USP54: variants seen among roughly 807,000 people sequenced by gnomAD.
USP54 encodes the protein ubiquitin specific peptidase 54, also known as ubiquitin carboxyl-terminal hydrolase 54.
Under a neutral mutation model 170.5 loss-of-function variants are expected in USP54, and 87 were observed. That is an observed-to-expected ratio of 0.51 (90% CI 0.43 to 0.61). USP54 has a LOEUF of 0.61. Ranked by LOEUF, USP54 falls within the 20% of genes least tolerant of loss-of-function variation. USP54 has a pLI of 0.00. For missense variants in USP54, 1,786 were observed against 2,047.8 expected (o/e 0.87, Z 2.47); for synonymous variants, 655 against 742.8 (o/e 0.88, Z 1.92).
chr10:73,615,146 C>T (rs1366454711), intron 1 of USP54: 1 of 150,154 alleles, frequency 6.7e-6, no homozygotes, highest in Admixed American at 6.6e-5. Flanking sequence ...GAGGCCAGGA[C>T]TTTAAAACTA....
At chr10:73,527,989 G>A (rs2063254246) in intron 15 of USP54, among the ~76,000 whole-genome samples, 1 of 152,130 alleles carries the variant, frequency 6.6e-6, no homozygotes, top group African/African-American at 2.4e-5. Context: ...AGGCTGGAGT[G>A]CAGTGACGTG....
chr10:73,562,897 A>C, intron 4 of USP54, among the ~76,000 whole-genome samples: 1 of 152,174 alleles, frequency 6.6e-6, no homozygotes, highest in East Asian at 1.9e-4. Flanking sequence ...ATATCAATTT[A>C]TATTCTAGCT....
At chr10:73,551,574 C>T (rs1351160311) in intron 4 of USP54, among the ~76,000 whole-genome samples, 1 of 152,142 alleles carries the variant, frequency 6.6e-6, no homozygotes, top group Non-Finnish European at 1.5e-5. Context: ...GCAGTGACTG[C>T]TTTTACAAAT....
chr10:73,557,385 A>G (rs1383430233), intron 4 of USP54, among the ~76,000 whole-genome samples: 1 of 151,598 alleles, frequency 6.6e-6, no homozygotes, highest in East Asian at 1.9e-4. Context: ...GCAGTGGCGC[A>G]ATCTCGCTCA....
chr10:73,582,680 G>A (rs928365502), intron 1 of USP54, among the ~76,000 whole-genome samples: 18 of 152,276 alleles, frequency 1.2e-4, no homozygotes, highest in Admixed American at 3.3e-4. Flanking sequence ...TGGCACAGGC[G>A]TGAACCACTG....
rs374267252 is a variant in USP54, at chr10:73,621,215, T to G, written c.-18+4352A>C. Among the ~76,000 whole-genome samples the G allele has an allele frequency of 4.0e-5, 6 of 149,384 alleles. 1 individual carries two copies. Among genetic ancestry groups the G allele is most frequent in the African/African-American group, 1.3e-4 (5 of 39,204 alleles). Reference sequence around the variant, plus strand: ...TGAATTTCAACCAGAAAACCGTACTTTGGACTTTGGAATATAGAGTGAAAA... The same window carrying G: ...TGAATTTCAACCAGAAAACCGTACTGTGGACTTTGGAATATAGAGTGAAAA... On this transcript the variant is annotated intron_variant, in intron 1 of 22. Transcript: ENST00000339859.
In USP54 at chr10:73,604,590, A is replaced by AG. The variant is rs1220708441; in HGVS notation, c.-18+20976_-18+20977insC. 3.9e-4 allele frequency among the ~76,000 whole-genome samples: 14 copies of AG among 35,954 alleles called. No individual in the cohort carries two copies. In the East Asian group the frequency reaches 0.011, roughly 29 times the overall value. The allele number at this position is 35,954 out of a possible 152,430, so 23.6% of individuals were successfully genotyped here. The stretch of plus-strand genomic sequence containing the variant: ...CAACATAGTGAGACTCCATCTCCAC[A>AG]AATTTTTTTTTTTTTTTTGAGACAG... On this transcript the variant is annotated intron_variant, in intron 1 of 22. Transcript: ENST00000339859.
chr10:73,603,488 G>A lies in USP54; in HGVS notation c.-18+22079C>T, dbSNP rs189523463. On this transcript the variant is annotated intron_variant, in intron 1 of 22. Coordinates refer to the USP54 transcript ENST00000339859. ...CCAGCACTTTGGGTGGCCAAGGCGG[G>A]CAGATCATTTGAGGCCAGGAGTTTG... 5.9e-5 allele frequency among the ~76,000 whole-genome samples: 9 copies of A among 152,276 alleles called. No homozygotes were observed. The East Asian group carries it at 1.7e-3, about 29-fold the overall frequency.
rs1209471191 is a variant in USP54 at position 73,611,766 on chromosome 10, C to T, written c.-18+13801G>A. ...GAGTAGAGATCACGCCACTGCACTCCGTCTGGGCAACAGAGCGGGACTCCA... is the reference window on the plus strand; with the variant it reads ...GAGTAGAGATCACGCCACTGCACTCTGTCTGGGCAACAGAGCGGGACTCCA... On this transcript the variant is annotated intron_variant, in intron 1 of 22. Coordinates refer to the USP54 transcript ENST00000339859. 7 of 151,582 alleles carry T rather than the reference C, an allele frequency of 4.6e-5. No homozygotes were observed. The East Asian group carries it at 9.7e-4, about 21-fold the overall frequency. The allele number at this position is 151,582 out of a possible 1,614,324, so 9.4% of individuals were successfully genotyped here.
At chr10:73,537,822 G>A (rs2065568604) in intron 10 of USP54, 1 of 151,960 alleles carries the variant, frequency 6.6e-6, no homozygotes, top group Non-Finnish European at 1.5e-5. Context: ...GAAAGAACAT[G>A]GCATGCCAAA....
rs192942836 is a variant in USP54, at chr10:73,530,172, G to C, written c.1799C>G (p.Thr600Ser). The C allele has an allele frequency of 3.1e-6, 5 of 1,613,626 alleles. No individual in the cohort carries two copies. In the Admixed American group the frequency reaches 8.3e-5, roughly 27 times the overall value. The stretch of plus-strand genomic sequence containing the variant: ...ATCCTCAGAAAAGGGGCTAAGCTGG[G>C]TATAGCCACAGTGCTTCCTTTTGTC... ...SKDKRKHCGY[T>S]QLSPFSEDSA... The change falls in exon 14 of 24, where the codon ACC becomes AGC. Residue 600 changes from threonine to serine, a missense_variant. Transcript: ENST00000687698.
In USP54 at chr10:73,503,889, T is replaced by C. The variant is rs1401107843; in HGVS notation, c.4311+961A>G. Among the ~76,000 whole-genome samples, 6 of 152,252 alleles carry C rather than the reference T, an allele frequency of 3.9e-5. No homozygotes were observed. The East Asian group carries it at 5.8e-4, about 15-fold the overall frequency. On this transcript the variant is annotated intron_variant, in intron 22 of 23. Transcript: ENST00000687698. ...CTAGGACTACAAGCACCCCCCACCA[T>C]GCCTGGCTAATTTTTATATTTTTGC...
At chr10:73,511,156 C>A (rs1001785579) in intron 20 of USP54, among the ~76,000 whole-genome samples, 1 of 141,154 alleles carries the variant, frequency 7.1e-6, no homozygotes, top group Non-Finnish European at 1.5e-5. Context: ...TGAAGTGCAG[C>A]GGCACAATCT....
At chr10:73,608,192 G>A (rs576995633) in intron 1 of USP54, among the ~76,000 whole-genome samples, 40 of 152,150 alleles carry the variant, frequency 2.6e-4, no homozygotes, top group East Asian at 1.2e-3. Context: ...CCCGGGAGGC[G>A]GAGGTTGCAG....
rs546113530 is a variant in USP54 at position 73,562,523 on chromosome 10, T to C, written c.240+8898A>G. Among the ~76,000 whole-genome samples, 15 of 152,350 alleles carry C rather than the reference T, an allele frequency of 9.8e-5. No individual in the cohort carries two copies. In the South Asian group the frequency reaches 2.5e-3, roughly 25 times the overall value. ...TTCAGTTTTGCCTGGTTTTGATTTATATATAAATGGAATCATGATTCATAT... is the reference window on the plus strand; with the variant it reads ...TTCAGTTTTGCCTGGTTTTGATTTACATATAAATGGAATCATGATTCATAT... On this transcript the variant is annotated intron_variant, in intron 4 of 23. Coordinates refer to ENST00000687698, the MANE Select transcript of USP54 (RefSeq NM_001391956.1).
chr10:73,528,869 G>A (rs1032015236), intron 15 of USP54, among the ~76,000 whole-genome samples: 1 of 152,104 alleles, frequency 6.6e-6, no homozygotes, highest in Non-Finnish European at 1.5e-5. Flanking sequence ...CAGTAAAATG[G>A]TTACTATAAT....
At chr10:73,543,184 C>A in intron 5 of USP54, 53 bp from the exon 6 acceptor site, 1 of 1,281,256 alleles carries the variant, frequency 7.8e-7, no homozygotes, top group Middle Eastern at 1.8e-4. Flanking sequence ...TAGACAAATA[C>A]ATAAATTGGT....
intron 16 of USP54, 109 bp downstream of exon 16, chr10:73,526,538 C>T (rs945785709): frequency 3.0e-5 from 45 of 1,495,518 alleles, no homozygotes; most frequent in Middle Eastern, 2.2e-4. Context: ...TGAGCCACCG[C>T]GCCCGGCCTG....
chr10:73,509,845 AAACC>A (rs1392875212), intron 20 of USP54, among the ~76,000 whole-genome samples: 5 of 152,006 alleles, frequency 3.3e-5, no homozygotes, highest in Non-Finnish European at 7.4e-5. Flanking sequence ...CTGTCGCTCC[AAACC>A]ACACACAAAA....
Sources: allele counts gnomAD v4.1 joint callset (sites outside exome capture counted in the v4.1 genomes callset), GRCh38; gene constraint gnomAD v4.1.1; transcripts MANE v1.5; gene names NCBI Gene and HGNC (gene_info 2026-07-23, HGNC 2026-07-21).